AGAP1: variants seen among roughly 807,000 people sequenced by gnomAD.
AGAP1 encodes the protein arf-GAP with GTPase, ANK repeat and PH domain-containing protein 1.
In AGAP1, 29 loss-of-function variants were observed where a neutral mutation model predicts 105.3. That is an observed-to-expected ratio of 0.28 (90% CI 0.21 to 0.38). AGAP1 has a LOEUF of 0.38. Among genes scored for constraint, AGAP1 ranks in the 10% least tolerant of loss-of-function variants. The pLI is 1.00. For synonymous variants in AGAP1, 509 were observed against 485.9 expected, an observed-to-expected ratio of 1.05 and a Z score of -0.63; for missense variants, 998 against 1,165.1, an observed-to-expected ratio of 0.86 and a Z score of 2.09.
intron 9 of AGAP1, among the ~76,000 whole-genome samples, chr2:235,823,716 G>C (rs1489887865): frequency 6.6e-6 from 1 of 152,120 alleles, no homozygotes; most frequent in Non-Finnish European, 1.5e-5. Flanking sequence ...ATTGCGACTG[G>C]TCAGCTTTTT....
intron 1 of AGAP1, among the ~76,000 whole-genome samples, chr2:235,618,043 G>C (rs1410393425): frequency 2.0e-5 from 3 of 152,104 alleles, no homozygotes; most frequent in Non-Finnish European, 4.4e-5. Flanking sequence ...TTGTGTAACT[G>C]TGAGAAGCTC....
intron 1 of AGAP1, among the ~76,000 whole-genome samples, chr2:235,560,291 T>C (rs73120409): frequency 0.056 from 8,511 of 152,068 alleles, 755 homozygotes; most frequent in African/African-American, 0.19. Context: ...GATCATTTGA[T>C]TGATTTTCTC....
intron 12 of AGAP1, among the ~76,000 whole-genome samples, chr2:235,945,775 C>T (rs2053468178): frequency 6.6e-6 from 1 of 151,946 alleles, no homozygotes; most frequent in South Asian, 2.1e-4. Flanking sequence ...TCTCACTGTT[C>T]CACAAGCTGT....
At chr2:235,825,726 A>G (rs1959027267) in intron 9 of AGAP1, among the ~76,000 whole-genome samples, 2 of 152,234 alleles carry the variant, frequency 1.3e-5, no homozygotes, top group Non-Finnish European at 2.9e-5. Context: ...ATACAATAAA[A>G]AATAGTGTTT....
At chr2:235,598,167 C>T (rs1945602416) in intron 1 of AGAP1, among the ~76,000 whole-genome samples, 2 of 152,130 alleles carry the variant, frequency 1.3e-5, no homozygotes, top group Admixed American at 1.3e-4. Flanking sequence ...AAGCTGTGCA[C>T]ATTAGGTGAC....
Position 235,725,358 on chromosome 2 carries a change from G to A in AGAP1, c.310+7714G>A, listed in dbSNP as rs1293855607. On this transcript the variant is annotated intron_variant, in intron 3 of 17. Transcript: ENST00000304032. This position sits in a 1 kb window ranked among gnomAD's most constrained non-coding sequence, Gnocchi z 5.7. ...TGGTAAACACCCAGTCTTATTTTCTGGGACACATGAAGTGTGTTTAAGCTG... is the reference window on the plus strand; with the variant it reads ...TGGTAAACACCCAGTCTTATTTTCTAGGACACATGAAGTGTGTTTAAGCTG... Among the ~76,000 whole-genome samples, 2 of 152,060 alleles carry A rather than the reference G, an allele frequency of 1.3e-5. No homozygotes were observed. The highest frequency in any genetic ancestry group is 2.9e-5 in the Non-Finnish European group (2 of 68,022).
At chr2:235,743,533 G>A (rs1952712545) in intron 4 of AGAP1, among the ~76,000 whole-genome samples, 1 of 151,982 alleles carries the variant, frequency 6.6e-6, no homozygotes, top group Non-Finnish European at 1.5e-5. Flanking sequence ...GATCTTCCCA[G>A]GTCTCTCCCG....
chr2:236,129,811 A>T lies in AGAP1; in HGVS notation c.*5689A>T, dbSNP rs957422061. 6.6e-6 allele frequency: 1 copy of T among 152,188 alleles called. No individual in the cohort carries two copies. Among genetic ancestry groups the T allele is most frequent in the Non-Finnish European group, 1.5e-5 (1 of 68,046 alleles). The allele number at this position is 152,188 out of a possible 1,614,324, so 9.4% of individuals were successfully genotyped here. On this transcript the variant is annotated 3_prime_UTR_variant, in exon 18 of 18. Transcript: ENST00000304032. The surrounding 1 kb of genome is among the most constrained non-coding windows in gnomAD (Gnocchi z 6.2). Reference sequence around the variant, plus strand: ...TCTGGGAAACCAACAAGTCTTTTTTAAATCTTTGAGTTGTATGAGAAAGTA... The same window carrying T: ...TCTGGGAAACCAACAAGTCTTTTTTTAATCTTTGAGTTGTATGAGAAAGTA...
chr2:236,118,812 TTTC>T lies in AGAP1; in HGVS notation c.2115-1377_2115-1375del, dbSNP rs376129043. 1.9e-3 allele frequency among the ~76,000 whole-genome samples: 282 copies of T among 151,980 alleles called. 4 individuals carry two copies. The highest frequency in any genetic ancestry group is 6.5e-3 in the African/African-American group (269 of 41,524). On this transcript the variant is annotated intron_variant, in intron 16 of 17. Transcript: ENST00000304032. ...AAAATCTCACACTGTTCTTTGTAAA[TTTC>T]TTGTCCCCCACCACCCTACCTTTTT...
chr2:236,090,417 G>A lies in AGAP1; in HGVS notation c.2115-29775G>A, dbSNP rs6737564. 0.014 allele frequency among the ~76,000 whole-genome samples: 2,179 copies of A among 152,240 alleles called. 51 individuals are homozygous for A. The highest frequency in any genetic ancestry group is 0.047 in the African/African-American group (1,952 of 41,526). ...ACAAATTAGAAAATAATATTCACATGTTTCTTCTAATTGGTAACAGATTAG... is the reference window on the plus strand; with the variant it reads ...ACAAATTAGAAAATAATATTCACATATTTCTTCTAATTGGTAACAGATTAG... On this transcript the variant is annotated intron_variant, in intron 16 of 17. Coordinates refer to ENST00000304032, the MANE Select transcript of AGAP1 (RefSeq NM_001037131.3). This position sits in a 1 kb window ranked among gnomAD's most constrained non-coding sequence, Gnocchi z 4.3.
rs181870545 is a variant in AGAP1, at chr2:236,119,653, G to A, written c.2115-539G>A. On this transcript the variant is annotated intron_variant, in intron 16 of 17. Coordinates refer to ENST00000304032, the MANE Select transcript of AGAP1 (RefSeq NM_001037131.3). This position sits in a 1 kb window ranked among gnomAD's most constrained non-coding sequence, Gnocchi z 6.6. ...TCCTGCTTACAGTAAAGCAACTCTC[G>A]GCCCCAGAGACCATGCTTCCATCGT... Among the ~76,000 whole-genome samples, 453 of 147,416 alleles carry A rather than the reference G, an allele frequency of 3.1e-3. 2 individuals carry two copies. The highest frequency in any genetic ancestry group is 3.7e-3 in the Non-Finnish European group (250 of 67,548).
intron 10 of AGAP1, among the ~76,000 whole-genome samples, chr2:235,898,239 C>T (rs910779020): frequency 3.9e-5 from 6 of 152,172 alleles, no homozygotes; most frequent in Non-Finnish European, 7.3e-5. Flanking sequence ...CTGCAGGGTG[C>T]TACATGTTCT....
intron 1 of AGAP1, among the ~76,000 whole-genome samples, chr2:235,697,798 A>G (rs540714737): frequency 2.0e-5 from 3 of 152,304 alleles, no homozygotes; most frequent in Non-Finnish European, 4.4e-5. Flanking sequence ...GTCAGGCCCA[A>G]TTATATCCAG....
intron 1 of AGAP1, among the ~76,000 whole-genome samples, chr2:235,643,448 AAAAAAAAAAAAAG>A (rs1947268033): frequency 6.6e-6 from 1 of 150,636 alleles, no homozygotes; most frequent in African/African-American, 2.4e-5. Flanking sequence ...AAAAAAAAAA[AAAAAAAAAAAAAG>A]AAAGAAAGTT....
intron 1 of AGAP1, among the ~76,000 whole-genome samples, chr2:235,501,327 T>G (rs529043898): frequency 2.6e-5 from 4 of 152,196 alleles, no homozygotes; most frequent in African/African-American, 9.7e-5. Context: ...TTTCGGAGAT[T>G]GTTGCTTTTT....
At chr2:235,757,358 G>A (rs983418024) in intron 6 of AGAP1, among the ~76,000 whole-genome samples, 7 of 151,770 alleles carry the variant, frequency 4.6e-5, no homozygotes. Flanking sequence ...GCGCTCCCGG[G>A]CCCTGTGTGC....
rs1351510662 is a variant in AGAP1, at chr2:236,089,991, G to C, written c.2115-30201G>C. Reference sequence around the variant, plus strand: ...CCTATTATAAATCAACCTTATGCCTGTACAGCAGCTCCCTGGCTGCAAATG... The same window carrying C: ...CCTATTATAAATCAACCTTATGCCTCTACAGCAGCTCCCTGGCTGCAAATG... On this transcript the variant is annotated intron_variant, in intron 16 of 17. Coordinates refer to ENST00000304032, the MANE Select transcript of AGAP1 (RefSeq NM_001037131.3). This position sits in a 1 kb window ranked among gnomAD's most constrained non-coding sequence, Gnocchi z 5.6. Among the ~76,000 whole-genome samples, 1 of 152,070 alleles carries C rather than the reference G, an allele frequency of 6.6e-6. No individual in the cohort carries two copies. The highest frequency in any genetic ancestry group is 6.6e-5 in the Admixed American group (1 of 15,260).
At chr2:236,015,031 G>T (rs2056648781) in intron 13 of AGAP1, among the ~76,000 whole-genome samples, 1 of 152,060 alleles carries the variant, frequency 6.6e-6, no homozygotes, top group Non-Finnish European at 1.5e-5. Flanking sequence ...CATTCCTGTG[G>T]TCTTTTCATC....
chr2:235,515,066 A>G (rs1270120437), intron 1 of AGAP1, among the ~76,000 whole-genome samples: 1 of 152,144 alleles, frequency 6.6e-6, no homozygotes, highest in African/African-American at 2.4e-5. Context: ...AAATTTAGGT[A>G]ATGTTTGCCT....
Sources: allele counts gnomAD v4.1 joint callset (sites outside exome capture counted in the v4.1 genomes callset), GRCh38; gene constraint gnomAD v4.1.1; non-coding constraint Gnocchi (gnomAD v3.1); transcripts MANE v1.5; gene names NCBI Gene and HGNC (gene_info 2026-07-23, HGNC 2026-07-21).